TIAM2: variants seen among roughly 807,000 people sequenced by gnomAD.
The protein encoded by TIAM2 is TIAM Rac1 associated GEF 2, also known as rho guanine nucleotide exchange factor TIAM2.
TIAM2 carries 80 observed loss-of-function variants against 152.9 expected under a neutral mutation model. The ratio of observed to expected loss-of-function variants is 0.52; its 90% confidence interval spans 0.44 to 0.63. The LOEUF is 0.63. TIAM2 is among the 30% of genes least tolerant of loss of function. The pLI, the probability that TIAM2 is intolerant of heterozygous loss-of-function variation, is 0.00. For missense variants in TIAM2, 1,965 were observed against 2,120.1 expected (o/e 0.93, Z 1.44); for synonymous variants, 804 against 838.0 (o/e 0.96, Z 0.70).
chr6:155,029,533 A>AT (rs1562295299), intron 1 of TIAM2, among the ~76,000 whole-genome samples: 27 of 65,566 alleles, frequency 4.1e-4, no homozygotes, highest in Middle Eastern at 0.016. Flanking sequence ...TAGTATAGAT[A>AT]ATAATATATA....
chr6:155,071,349 C>T (rs372599792), intron 1 of TIAM2, among the ~76,000 whole-genome samples: 6 of 152,232 alleles, frequency 3.9e-5, no homozygotes, highest in East Asian at 1.9e-4. Context: ...GGGAAGAAAG[C>T]GGAAGCAGCA....
chr6:155,039,656 C>G (rs73795824), intron 1 of TIAM2, among the ~76,000 whole-genome samples: 1 of 149,104 alleles, frequency 6.7e-6, no homozygotes, highest in Non-Finnish European at 1.5e-5. Context: ...GGTGGGGGGG[C>G]TCTTAAAAAA....
intron 14 of TIAM2, among the ~76,000 whole-genome samples, chr6:155,206,213 G>T (rs1781590501): frequency 6.6e-6 from 1 of 151,850 alleles, no homozygotes; most frequent in Non-Finnish European, 1.5e-5. Flanking sequence ...ATTTTCCGTG[G>T]TAGCCTGCCT....
chr6:155,245,754 A>ATTTTTTT, intron 19 of TIAM2, 23 bp downstream of exon 19: 139 of 562,420 alleles, frequency 2.5e-4, no homozygotes, highest in South Asian at 2.9e-4. Flanking sequence ...TGCCTTTTAT[A>ATTTTTTT]GTTTTTTTTT....
chr6:155,082,663 C>A (rs1347009453), intron 1 of TIAM2, among the ~76,000 whole-genome samples: 1 of 57,840 alleles, frequency 1.7e-5, no homozygotes, highest in African/African-American at 6.3e-5. Context: ...CCCAAAAAAA[C>A]CCCAATAAAT....
At chr6:155,100,943 G>A (rs982394465) in intron 2 of TIAM2, among the ~76,000 whole-genome samples, 4 of 152,172 alleles carry the variant, frequency 2.6e-5, no homozygotes, top group Non-Finnish European at 5.9e-5. Flanking sequence ...TGTGGGCCCC[G>A]AGTTGTTTTG....
rs367607816 is a variant in TIAM2, at chr6:155,136,915, A to G, written c.1195-262A>G. Among the ~76,000 whole-genome samples, 90 of 152,352 alleles carry G rather than the reference A, an allele frequency of 5.9e-4. 1 individual carries two copies. In the South Asian group the frequency reaches 0.017, roughly 29 times the overall value. ...TAGTTAATTTCTCGATGCTAAGCAT[A>G]GGTTAGATTTAGGAGAGCCATTTGT... On this transcript the variant is annotated intron_variant, in intron 4 of 26. Coordinates refer to ENST00000682666, the MANE Select transcript of TIAM2 (RefSeq NM_012454.4).
chr6:155,226,054 G>A (rs926610519), intron 15 of TIAM2, among the ~76,000 whole-genome samples: 2 of 152,190 alleles, frequency 1.3e-5, no homozygotes, highest in African/African-American at 4.8e-5. Context: ...TTTGAAACCA[G>A]ATTCCAAGCA....
chr6:155,029,501 A>ATATAATATATAG (rs1776767224), intron 1 of TIAM2, among the ~76,000 whole-genome samples: 2 of 27,402 alleles, frequency 7.3e-5, no homozygotes, highest in Non-Finnish European at 1.3e-4. Flanking sequence ...TATATATTAT[A>ATATAATATATAG]TATAATATAT....
chr6:155,028,768 G>T (rs1414687746), intron 1 of TIAM2, among the ~76,000 whole-genome samples: 1 of 122,848 alleles, frequency 8.1e-6, no homozygotes, highest in Non-Finnish European at 1.6e-5. Context: ...TATATACTGT[G>T]TTATATACTA....
At chr6:155,081,321 TAC>T (rs888714335) in intron 1 of TIAM2, among the ~76,000 whole-genome samples, 1 of 151,878 alleles carries the variant, frequency 6.6e-6, no homozygotes, top group African/African-American at 2.4e-5. Flanking sequence ...CCCATGTACT[TAC>T]AGTCATTCAA....
intron 1 of TIAM2, among the ~76,000 whole-genome samples, chr6:155,021,477 G>C (rs1487869710): frequency 6.6e-6 from 1 of 152,022 alleles, no homozygotes; most frequent in Non-Finnish European, 1.5e-5. Context: ...GGTCAGGCTG[G>C]TCTCAAACTC....
chr6:155,081,124 A>G (rs563401388), intron 1 of TIAM2, among the ~76,000 whole-genome samples: 39 of 152,338 alleles, frequency 2.6e-4, no homozygotes, highest in African/African-American at 8.9e-4. Flanking sequence ...TGAAAAAGAA[A>G]GAGGGTAAAA....
intron 1 of TIAM2, among the ~76,000 whole-genome samples, chr6:155,059,619 A>G (rs1777533053): frequency 6.6e-6 from 1 of 151,946 alleles, no homozygotes; most frequent in African/African-American, 2.4e-5. Flanking sequence ...CCCAGCCTCT[A>G]TTTGTGTTTG....
In TIAM2 at chr6:155,144,647, A is replaced by G. The variant is rs1226033693; in HGVS notation, c.1672A>G (p.Met558Val). The change falls in exon 6 of 27, where the codon ATG (methionine) becomes GTG (valine). Residue 558 changes from methionine (M) to valine (V), a missense_variant. Physicochemically the swap from Met to Val is conservative, Grantham distance 21 (BLOSUM62 1). Coordinates refer to ENST00000682666, the MANE Select transcript of TIAM2 (RefSeq NM_012454.4). ...LFYETYGKNS[M>V]DQSSAPRCAL... ...TTATGAGACCTATGGGAAGAATTCC[A>G]TGGATCAGAGCAGTGCCCCTCGGTG... The G allele has an allele frequency of 1.3e-6, 2 of 1,569,020 alleles. No homozygotes were observed. Among genetic ancestry groups the G allele is most frequent in the Non-Finnish European group, 8.6e-7 (1 of 1,163,868 alleles).
At chr6:155,252,159 G>C (rs1255140931) in intron 23 of TIAM2, among the ~76,000 whole-genome samples, 156 bp downstream of exon 23, 1 of 152,136 alleles carries the variant, frequency 6.6e-6, no homozygotes, top group East Asian at 1.9e-4. Flanking sequence ...GAGCGTTTCT[G>C]AGTCTCCCCA....
intron 7 of TIAM2, among the ~76,000 whole-genome samples, chr6:155,149,747 A>T (rs1280078421): frequency 1.3e-5 from 2 of 151,938 alleles, no homozygotes; most frequent in African/African-American, 4.8e-5. Context: ...ACGTGGTGAA[A>T]CCCCATCTCT....
At chr6:155,017,629 G>A (rs530454065) in intron 1 of TIAM2, among the ~76,000 whole-genome samples, 14 of 149,818 alleles carry the variant, frequency 9.3e-5, no homozygotes, top group Middle Eastern at 3.4e-3. Flanking sequence ...TCAGCCTCCC[G>A]AGTAGCTGGG....
chr6:155,226,971 C>T (rs1340962306), intron 15 of TIAM2, among the ~76,000 whole-genome samples: 1 of 152,206 alleles, frequency 6.6e-6, no homozygotes, highest in African/African-American at 2.4e-5. Flanking sequence ...AAGGCCATCC[C>T]AAACAGCACA....
Sources: gnomAD v4.1 joint callset for allele counts (sites outside exome capture counted in the v4.1 genomes callset) on GRCh38, gnomAD v4.1.1 for gene constraint, MANE v1.5 for transcripts, NCBI Gene and HGNC (gene_info 2026-07-23, HGNC 2026-07-21) for gene names.